The following SLC6A14 variants were observed in gnomAD, a reference collection of about 807,000 sequenced individuals.
SLC6A14 encodes solute carrier family 6 member 14.
SLC6A14 carries 21 observed loss-of-function variants against 51.4 expected under a neutral mutation model. The ratio of observed to expected loss-of-function variants is 0.41; its 90% CI spans 0.29 to 0.59. The LOEUF (loss-of-function observed/expected upper bound fraction) is 0.59, where lower values mean the gene tolerates loss of function less well. Among genes scored for constraint, SLC6A14 ranks in the 20% least tolerant of loss-of-function variants. SLC6A14 has a pLI of 0.31. For missense variants in SLC6A14, 371 were observed against 472.8 expected (o/e 0.78, Z 2.00); for synonymous variants, 177 against 160.7 (o/e 1.10, Z -0.77).
chrX:116,450,642 A>C (rs1266761818), intron 7 of SLC6A14, among the ~76,000 whole-genome samples: 1 of 112,333 alleles, frequency 8.9e-6, no homozygotes, highest in Non-Finnish European at 1.9e-5. Context: ...GTGGCAATAA[A>C]GAAGTGGAAA....
intron 8 of SLC6A14, among the ~76,000 whole-genome samples, chrX:116,452,473 A>G (rs1556694474): frequency 8.9e-6 from 1 of 112,038 alleles, no homozygotes; most frequent in East Asian, 2.8e-4. Context: ...CAAAATTGAA[A>G]AGCATTCTAA....
chrX:116,459,392 TGAAA>T lies in SLC6A14; in HGVS notation c.*443_*446del, dbSNP rs1292561220. On this transcript the variant is annotated 3_prime_UTR_variant, in exon 14 of 14. Coordinates refer to ENST00000598581, the MANE Select transcript of SLC6A14 (RefSeq NM_007231.5). ...TGAGTGGGAAATAAATCAGCACATT[TGAAA>T]GAAAGTGTTAAAACTGAAGGCCTCA... is the stretch of plus-strand genomic sequence containing the variant. 8.9e-6 allele frequency: 1 copy of T among 112,453 alleles called. No homozygotes were observed. Among genetic ancestry groups the T allele is most frequent in the African/African-American group, 3.2e-5 (1 of 30,777 alleles). 9.3% of individuals were successfully genotyped at this position (112,453 alleles called of 1,213,427 possible).
rs781874828 is a variant in SLC6A14 at position 116,454,994 on chromosome X, T to C, written c.1422T>C (p.Val474=). ...TTTGGTAGGCTGGAATTTACTGGGTTCATCTGATTGACCACTTCTGTGCTG... is the reference window on the plus strand; with the variant it reads ...TTTGGTAGGCTGGAATTTACTGGGTCCATCTGATTGACCACTTCTGTGCTG... The part of the protein sequence containing the change: ...VCVTQAGIYW[V]HLIDHFCAGW... The change falls in exon 11 of 14, where the codon GTT becomes GTC. Residue 474 remains valine (V), a synonymous_variant. Transcript: ENST00000598581. 4 of 1,202,127 alleles carry C rather than the reference T, an allele frequency of 3.3e-6. No individual in the cohort carries two copies. Among genetic ancestry groups the C allele is most frequent in the African/African-American group, 1.7e-5 (1 of 57,580 alleles).
chrX:116,459,196 G>A lies in SLC6A14; in HGVS notation c.*241G>A, dbSNP rs1927994532. On this transcript the variant is annotated 3_prime_UTR_variant, in exon 14 of 14. Transcript: ENST00000598581. ...GTATAACACACACACACACACCTAA[G>A]AGTCTCTATTTCACAATTATATTTT... The A allele has an allele frequency of 8.1e-6, 2 of 247,703 alleles. No individual in the cohort carries two copies. Among genetic ancestry groups the A allele is most frequent in the Non-Finnish European group, 7.2e-6 (1 of 138,813 alleles). The allele number at this position is 247,703 out of a possible 1,213,427, so 20.4% of individuals were successfully genotyped here. A position where few individuals can be genotyped will look rare whatever the true frequency, so the allele number is the denominator to read the frequency against.
intron 9 of SLC6A14, among the ~76,000 whole-genome samples, chrX:116,453,798 C>G (rs1443086458): frequency 9.0e-6 from 1 of 111,563 alleles, no homozygotes; most frequent in Non-Finnish European, 1.9e-5. Context: ...CTACCACTCT[C>G]TCACACAATA....
chrX:116,453,400 C>CT (rs1556694541), intron 9 of SLC6A14, among the ~76,000 whole-genome samples: 1 of 71,227 alleles, frequency 1.4e-5, no homozygotes, highest in African/African-American at 4.8e-5. Flanking sequence ...TTGAAGTCCT[C>CT]TTTCTTTTCC....
intron 12 of SLC6A14, 60 bp from the exon 13 acceptor site, chrX:116,457,549 A>C: frequency 1.1e-6 from 1 of 922,182 alleles, no homozygotes. Context: ...TCAAATTGCT[A>C]ATCATCAGTG....
chrX:116,456,773 A>G (rs1365958071), intron 12 of SLC6A14, among the ~76,000 whole-genome samples: 2 of 111,458 alleles, frequency 1.8e-5, no homozygotes, highest in Admixed American at 1.9e-4. Context: ...TTAAACATAG[A>G]TCTATTTATT....
intron 6 of SLC6A14, among the ~76,000 whole-genome samples, chrX:116,445,478 G>GAGAA (rs1927690787): frequency 9.5e-6 from 1 of 105,323 alleles, no homozygotes; most frequent in Non-Finnish European, 2.0e-5. Flanking sequence ...GAGAGAGAGA[G>GAGAA]AGAGAGAGAG....
chrX:116,453,212 G>T, intron 9 of SLC6A14, 70 bp downstream of exon 9: 1 of 989,232 alleles, frequency 1.0e-6, no homozygotes, highest in East Asian at 3.3e-5. Flanking sequence ...TTGAAAACAA[G>T]GTGCTTTTAT....
intron 2 of SLC6A14, among the ~76,000 whole-genome samples, chrX:116,439,504 TAA>T (rs1556693510): frequency 9.0e-6 from 1 of 111,575 alleles, no homozygotes; most frequent in Non-Finnish European, 1.9e-5. Context: ...AACAGTTTAT[TAA>T]AGAGAAGTGT....
At chrX:116,444,826 A>G in intron 5 of SLC6A14, 92 bp from the exon 6 acceptor site, 2 of 929,564 alleles carry the variant, frequency 2.2e-6, no homozygotes, top group Non-Finnish European at 3.1e-6. Context: ...ATATTCATGA[A>G]GCTTCGACCT....
chrX:116,450,883 G>A (rs1927809956), intron 7 of SLC6A14, among the ~76,000 whole-genome samples: 1 of 112,107 alleles, frequency 8.9e-6, no homozygotes, highest in African/African-American at 3.2e-5. Flanking sequence ...AGATTACAGT[G>A]AGCCAAGATT....
Position 116,445,457 on chromosome X carries a change from GGAGAGAGAGAGAGA to G in SLC6A14, c.789+442_789+455del, listed in dbSNP as rs4068397. On this transcript the variant is annotated intron_variant, in intron 6 of 13. Transcript: ENST00000598581. ...TAATAGTATCAGGAATCCCCTAGTCGGAGAGAGAGAGAGAGAGAGAGAGAGAGAGAGAGAGAGAG... is the reference window on the plus strand; with the variant it reads ...TAATAGTATCAGGAATCCCCTAGTCGGAGAGAGAGAGAGAGAGAGAGAGAG... Among the ~76,000 whole-genome samples, 157 of 67,008 alleles carry G rather than the reference GGAGAGAGAGAGAGA, an allele frequency of 2.3e-3. 1 individual carries two copies. The highest frequency in any genetic ancestry group is 4.6e-3 in the African/African-American group (71 of 15,483). The allele number at this position is 67,008 out of a possible 115,157, so 58.2% of individuals were successfully genotyped here.
chrX:116,457,575 T>C (rs782500060), intron 12 of SLC6A14, 34 bp from the exon 13 acceptor site: 1 of 1,167,132 alleles, frequency 8.6e-7, no homozygotes, highest in Non-Finnish European at 1.2e-6. Context: ...AAGTCTAATC[T>C]TTAGCTTTGT....
chrX:116,447,566 A>G (rs1399090119), intron 7 of SLC6A14, among the ~76,000 whole-genome samples: 1 of 104,881 alleles, frequency 9.5e-6, no homozygotes, highest in Non-Finnish European at 1.9e-5. Context: ...TGCTTCTATT[A>G]GTATGGTCTA....
In SLC6A14 at chrX:116,437,922, A is replaced by G; in HGVS notation, c.181A>G (p.Arg61Gly). The G allele has an allele frequency of 8.3e-7, 1 of 1,209,075 alleles. No homozygotes were observed. The highest frequency in any genetic ancestry group is 1.1e-6 in the Non-Finnish European group (1 of 893,971). Residue 61 changes from arginine (R) to glycine (G), a missense_variant, in exon 2 of 14, where the codon AGA becomes GGA. Physicochemically the swap from Arg to Gly is moderately radical, Grantham distance 125. This residue lies in a region of SLC6A14 where 277 missense variants were observed against 391.8 expected (regional missense o/e 0.71). Coordinates refer to ENST00000598581, the MANE Select transcript of SLC6A14 (RefSeq NM_007231.5). ...GYAVGLGNVWRFPYLTYSNGG... is the reference protein window; with the variant it reads ...GYAVGLGNVWGFPYLTYSNGG... ...CGCAGTGGGATTAGGAAATGTGTGGAGATTTCCATATCTGACCTACAGCAA... is the reference window on the plus strand; with the variant it reads ...CGCAGTGGGATTAGGAAATGTGTGGGGATTTCCATATCTGACCTACAGCAA...
intron 2 of SLC6A14, among the ~76,000 whole-genome samples, chrX:116,438,354 A>G (rs12720075): frequency 0.057 from 6,380 of 112,074 alleles, 191 homozygotes; most frequent in South Asian, 0.1. Context: ...AATAAGTTCT[A>G]TTAAGAAGCT....
rs1569539730 is a variant in SLC6A14 at position 116,451,639 on chromosome X, T to C, written c.1128T>C (p.Ser376=). Residue 376 remains serine (S), a synonymous_variant, in exon 8 of 14, where the codon TCT becomes TCC. Transcript: ENST00000598581. The part of the protein sequence containing the change: ...FSILGHMAHI[S]GKEVSQVVKS... ...TATTGGGACACATGGCCCATATATC[T>C]GGAAAGGAAGTTTCTCAAGTTGTAA... The C allele has an allele frequency of 3.3e-6, 4 of 1,202,209 alleles. No individual in the cohort carries two copies. Among genetic ancestry groups the C allele is most frequent in the Non-Finnish European group, 4.5e-6 (4 of 887,349 alleles).
Sources: gnomAD v4.1 joint callset for allele counts (sites outside exome capture counted in the v4.1 genomes callset) on GRCh38, gnomAD v4.1.1 for gene constraint, gnomAD v4.1.1 regional missense constraint, MANE v1.5 for transcripts, NCBI Gene and HGNC (gene_info 2026-07-23, HGNC 2026-07-21) for gene names.